Variants in CSRNP3 observed in about 807,000 individuals in gnomAD.
The protein encoded by CSRNP3 is cysteine/serine-rich nuclear protein 3.
A neutral mutation model predicts 48.0 loss-of-function variants in CSRNP3; 12 were observed. The observed-to-expected ratio is 0.25, with a 90% CI of 0.16 to 0.41. The LOEUF is 0.41. Among genes scored for constraint, CSRNP3 ranks in the 10% least tolerant of loss-of-function variants. CSRNP3 has a pLI of 1.00. For missense variants in CSRNP3, 580 were observed against 724.4 expected, an observed-to-expected ratio of 0.80 and a Z score of 2.29; for synonymous variants, 263 against 269.7, an observed-to-expected ratio of 0.98 and a Z score of 0.24.
At chr2:165,478,238 G>C (rs1464961274) in intron 1 of CSRNP3, among the ~76,000 whole-genome samples, 2 of 152,100 alleles carry the variant, frequency 1.3e-5, no homozygotes, top group African/African-American at 2.4e-5. Flanking sequence ...CTAACTCAAA[G>C]GCTGAAACAT....
At position 165,619,206 on chromosome 2, in the gene CSRNP3, T is replaced by G. The variant is rs1686299350; in HGVS notation, c.148+23993T>G. Among the ~76,000 whole-genome samples, 4 of 152,186 alleles carry G rather than the reference T, an allele frequency of 2.6e-5. No homozygotes were observed. In the South Asian group the frequency reaches 8.3e-4, roughly 32 times the overall value. On this transcript the variant is annotated intron_variant, in intron 4 of 6. Transcript: ENST00000651982. ...GGTAAATACTTTTACCTATGATTGT[T>G]CCTAGAAGACGACAGAGTAAATGGG... is the stretch of plus-strand genomic sequence containing the variant.
chr2:165,682,921 C>T lies in CSRNP3; in HGVS notation c.*3168C>T, dbSNP rs1687571160. On this transcript the variant is annotated 3_prime_UTR_variant, in exon 7 of 7. Coordinates refer to ENST00000651982, the MANE Select transcript of CSRNP3 (RefSeq NM_001172173.2). ...TAGCCAAACTGTAGTCTTTGACACA[C>T]AACTTTTTAGTCATTCACTATCAAT... 6.6e-6 allele frequency: 1 copy of T among 152,172 alleles called. No homozygotes were observed. Among genetic ancestry groups the T allele is most frequent in the Non-Finnish European group, 1.5e-5 (1 of 68,030 alleles). The allele number at this position is 152,172 out of a possible 1,614,324, so 9.4% of individuals were successfully genotyped here.
chr2:165,639,265 C>G (rs986862850), intron 4 of CSRNP3, among the ~76,000 whole-genome samples: 3 of 152,140 alleles, frequency 2.0e-5, no homozygotes, highest in Non-Finnish European at 2.9e-5. Context: ...ATATGAAGGA[C>G]ATTTGTTTAC....
chr2:165,656,841 T>C (rs1687013048), intron 4 of CSRNP3, among the ~76,000 whole-genome samples: 2 of 152,172 alleles, frequency 1.3e-5, no homozygotes, highest in South Asian at 4.1e-4. Flanking sequence ...GTTTGTACTA[T>C]GTGTCTTTTT....
intron 3 of CSRNP3, among the ~76,000 whole-genome samples, chr2:165,555,965 T>G (rs1685155949): frequency 6.6e-6 from 1 of 152,096 alleles, no homozygotes; most frequent in African/African-American, 2.4e-5. Flanking sequence ...ATCTTCACAG[T>G]GTGTCTCTCA....
At chr2:165,505,666 G>A (rs1287925318) in intron 2 of CSRNP3, among the ~76,000 whole-genome samples, 3 of 152,118 alleles carry the variant, frequency 2.0e-5, no homozygotes, top group Admixed American at 1.3e-4. Context: ...AGGCTGCGAG[G>A]AATTACTTTT....
chr2:165,564,776 A>G (rs1685276987), intron 3 of CSRNP3, among the ~76,000 whole-genome samples: 1 of 152,020 alleles, frequency 6.6e-6, no homozygotes, highest in Non-Finnish European at 1.5e-5. Flanking sequence ...ATATCCTACT[A>G]TATATAAATA....
intron 3 of CSRNP3, among the ~76,000 whole-genome samples, chr2:165,568,150 T>C (rs1232537569): frequency 1.3e-5 from 2 of 152,008 alleles, no homozygotes; most frequent in Non-Finnish European, 2.9e-5. Context: ...CATGCCCCCA[T>C]TGTTTTTCCC....
At chr2:165,634,574 CAG>C (rs1176201636) in intron 4 of CSRNP3, among the ~76,000 whole-genome samples, 2 of 151,910 alleles carry the variant, frequency 1.3e-5, no homozygotes, top group African/African-American at 4.8e-5. Context: ...AAAAATAAAA[CAG>C]AGAAAGGAAA....
At chr2:165,573,388 T>C (rs1486771181) in intron 3 of CSRNP3, among the ~76,000 whole-genome samples, 1 of 152,234 alleles carries the variant, frequency 6.6e-6, no homozygotes, top group African/African-American at 2.4e-5. Flanking sequence ...CACATGACTT[T>C]TTCTATGTAG....
Position 165,656,941 on chromosome 2 carries a change from A to T in CSRNP3, c.149-820A>T, listed in dbSNP as rs575895290. ...TGAGAAATTATAGTTGTCCCTGGTT[A>T]TCTGCAGTTTTGATTTCCCCAGTTT... On this transcript the variant is annotated intron_variant, in intron 4 of 6. Coordinates refer to ENST00000651982, the MANE Select transcript of CSRNP3 (RefSeq NM_001172173.2). Among the ~76,000 whole-genome samples the T allele has an allele frequency of 2.6e-5, 4 of 152,354 alleles. No homozygotes were observed. In the East Asian group the frequency reaches 7.7e-4, roughly 29 times the overall value.
intron 4 of CSRNP3, among the ~76,000 whole-genome samples, chr2:165,608,348 ATTT>A (rs1380112593): frequency 6.6e-6 from 1 of 152,084 alleles, no homozygotes; most frequent in East Asian, 1.9e-4. Context: ...GTACTTAATG[ATTT>A]TTAACAACTA....
At chr2:165,637,692 T>C (rs982439708) in intron 4 of CSRNP3, among the ~76,000 whole-genome samples, 1 of 152,206 alleles carries the variant, frequency 6.6e-6, no homozygotes, top group African/African-American at 2.4e-5. Flanking sequence ...TGCCATTTCA[T>C]GAATGCATTA....
At chr2:165,496,438 T>A (rs2105461849) in intron 2 of CSRNP3, among the ~76,000 whole-genome samples, 1 of 152,198 alleles carries the variant, frequency 6.6e-6, no homozygotes, top group South Asian at 2.1e-4. Flanking sequence ...AGAAGAGTAC[T>A]GAGCACTGGA....
chr2:165,688,441 G>A lies in CSRNP3; in HGVS notation c.*8688G>A, dbSNP rs770038150. The A allele has an allele frequency of 1.3e-5, 2 of 152,122 alleles. No individual in the cohort carries two copies. The highest frequency in any genetic ancestry group is 2.9e-5 in the Non-Finnish European group (2 of 68,026). 9.4% of individuals were successfully genotyped at this position (152,122 alleles called of 1,614,324 possible). ...TTGTTCTTTCAGTGTGTTTCCCTCA[G>A]TGTCACAGGGTATATCAATTTGATA... On this transcript the variant is annotated 3_prime_UTR_variant, in exon 7 of 7. Transcript: ENST00000651982.
intron 4 of CSRNP3, among the ~76,000 whole-genome samples, chr2:165,599,348 A>G (rs1021932437): frequency 6.9e-6 from 1 of 145,636 alleles, no homozygotes; most frequent in Non-Finnish European, 1.5e-5. Context: ...AAAAAGAAAG[A>G]CGAAAGGAAG....
At chr2:165,676,061 G>C (rs1240498840) in intron 5 of CSRNP3, among the ~76,000 whole-genome samples, 3 of 152,124 alleles carry the variant, frequency 2.0e-5, no homozygotes, top group African/African-American at 7.2e-5. Context: ...AACAACTGTA[G>C]CTCCTAACAT....
Position 165,657,897 on chromosome 2 carries a change from C to G in CSRNP3, c.285C>G (p.Ser95=). ...AAGGGGGAAGCACCCTGGGGATGTC[C>G]AGCCGCCATAACAGCGTGCGCCAGT... ...PSQGGSTLGM[S]SRHNSVRQYT... Residue 95 remains serine, a synonymous_variant, in exon 5 of 7, where the codon TCC becomes TCG. Transcript: ENST00000651982. 1 of 1,613,954 alleles carries G rather than the reference C, an allele frequency of 6.2e-7. No individual in the cohort carries two copies. Among genetic ancestry groups the G allele is most frequent in the Non-Finnish European group, 8.5e-7 (1 of 1,179,972 alleles).
At chr2:165,594,120 A>C (rs925283461) in intron 3 of CSRNP3, among the ~76,000 whole-genome samples, 4 of 152,196 alleles carry the variant, frequency 2.6e-5, no homozygotes, top group Non-Finnish European at 4.4e-5. Flanking sequence ...AATCCAAAAA[A>C]AATTCAAAAT....
Sources: allele counts gnomAD v4.1 joint callset (sites outside exome capture counted in the v4.1 genomes callset), GRCh38; gene constraint gnomAD v4.1.1; transcripts MANE v1.5; gene names NCBI Gene and HGNC (gene_info 2026-07-23, HGNC 2026-07-21).